The following ADAMTSL1 variants were observed in gnomAD, a reference collection of about 807,000 sequenced individuals.
The protein encoded by ADAMTSL1 is ADAMTS-like protein 1.
Under a neutral mutation model 201.8 loss-of-function variants are expected in ADAMTSL1, and 126 were observed. The observed-to-expected ratio is 0.62, with a 90% CI of 0.54 to 0.72. The LOEUF (loss-of-function observed/expected upper bound fraction) is 0.72. Among genes scored for constraint, ADAMTSL1 ranks in the 30% least tolerant of loss-of-function variants. The probability of loss-of-function intolerance (pLI) is 0.00; values close to 1 mark genes in which losing one functional copy is unlikely to be tolerated. For synonymous variants in ADAMTSL1, 1,121 were observed against 903.4 expected (o/e 1.24, Z -4.32); for missense variants, 2,679 against 2,277.8 (o/e 1.18, Z -3.59).
chr9:18,366,554 T>C (rs978455390), intron 2 of ADAMTSL1, among the ~76,000 whole-genome samples: 17 of 151,948 alleles, frequency 1.1e-4, no homozygotes, highest in African/African-American at 3.9e-4. Flanking sequence ...ATATTCATTG[T>C]GGTATGTTAA....
At chr9:18,525,107 C>G (rs953165243) in intron 2 of ADAMTSL1, among the ~76,000 whole-genome samples, 21 of 152,218 alleles carry the variant, frequency 1.4e-4, no homozygotes, top group African/African-American at 5.1e-4. Context: ...TAATTATTGC[C>G]TCAATTTCAG....
intron 2 of ADAMTSL1, among the ~76,000 whole-genome samples, chr9:18,373,288 T>C (rs896340081): frequency 1.3e-5 from 2 of 152,186 alleles, no homozygotes; most frequent in Admixed American, 6.5e-5. Flanking sequence ...CTTTCCACTT[T>C]TCTGTGAGGT....
At chr9:18,810,174 G>A (rs1159947675) in intron 20 of ADAMTSL1, among the ~76,000 whole-genome samples, 1 of 152,102 alleles carries the variant, frequency 6.6e-6, no homozygotes, top group Non-Finnish European at 1.5e-5. Context: ...AATCATTATA[G>A]TACTAAATCA....
chr9:17,956,124 C>T (rs2026767), intron 1 of ADAMTSL1, among the ~76,000 whole-genome samples: 39,285 of 152,002 alleles, frequency 0.26, 5,423 homozygotes, highest in Middle Eastern at 0.35. Flanking sequence ...TAATATTATG[C>T]AATCAAATAC....
intron 7 of ADAMTSL1, among the ~76,000 whole-genome samples, chr9:18,649,816 G>A (rs575660805): frequency 1.3e-5 from 2 of 152,186 alleles, no homozygotes; most frequent in African/African-American, 4.8e-5. Flanking sequence ...GTGCCTCCCA[G>A]TTAGGCTTCT....
intron 2 of ADAMTSL1, among the ~76,000 whole-genome samples, chr9:18,303,983 C>A (rs115334930): frequency 6.6e-6 from 1 of 152,106 alleles, no homozygotes; most frequent in African/African-American, 2.4e-5. Context: ...GAGCTCTCCA[C>A]CCGTTCCGAC....
At chr9:18,336,693 A>G (rs1835256504) in intron 2 of ADAMTSL1, among the ~76,000 whole-genome samples, 1 of 152,158 alleles carries the variant, frequency 6.6e-6, no homozygotes, top group Non-Finnish European at 1.5e-5. Flanking sequence ...CTGCCTGTGT[A>G]CTAAAAACAT....
At position 18,629,882 on chromosome 9, in the gene ADAMTSL1, A is replaced by G. The variant is rs369963194; in HGVS notation, c.602-6061A>G. ...TTCTGGATCTGGAGATTTATTTTTCAGTATGTAACCTTATGAACTTATGGA... is the reference window on the plus strand; with the variant it reads ...TTCTGGATCTGGAGATTTATTTTTCGGTATGTAACCTTATGAACTTATGGA... On this transcript the variant is annotated intron_variant, in intron 5 of 28. Coordinates refer to ENST00000380548, the MANE Select transcript of ADAMTSL1 (RefSeq NM_001040272.6). Among the ~76,000 whole-genome samples the G allele has an allele frequency of 5.9e-5, 9 of 152,248 alleles. No individual in the cohort carries two copies. In the East Asian group the frequency reaches 1.5e-3, roughly 26 times the overall value.
chr9:18,241,914 T>C (rs1831080022), intron 2 of ADAMTSL1, among the ~76,000 whole-genome samples: 1 of 152,100 alleles, frequency 6.6e-6, no homozygotes, highest in Non-Finnish European at 1.5e-5. Context: ...CATGCCTTCA[T>C]AGTTGAATTT....
At chr9:18,203,329 G>A (rs1213985161) in intron 2 of ADAMTSL1, among the ~76,000 whole-genome samples, 1 of 151,816 alleles carries the variant, frequency 6.6e-6, no homozygotes. Flanking sequence ...TGATAGTGTT[G>A]GTGCTTCCTC....
Position 18,728,966 on chromosome 9 carries a change from TG to T in ADAMTSL1, c.2006+7303del, listed in dbSNP as rs1818058558. Among the ~76,000 whole-genome samples the T allele has an allele frequency of 1.3e-5, 2 of 152,152 alleles. 1 individual carries two copies. Among genetic ancestry groups the T allele is most frequent in the South Asian group, 4.1e-4 (2 of 4,828 alleles). ...ATCCAAGAAAGCTAAACTCTGAAAA[TG>T]GTGGTTAGCTTTTACTGTAGGCACG... On this transcript the variant is annotated intron_variant, in intron 15 of 28. Coordinates refer to ENST00000380548, the MANE Select transcript of ADAMTSL1 (RefSeq NM_001040272.6).
chr9:18,112,423 C>T (rs573252323), intron 1 of ADAMTSL1, among the ~76,000 whole-genome samples: 5 of 151,882 alleles, frequency 3.3e-5, no homozygotes, highest in South Asian at 2.1e-4. Flanking sequence ...TCAGAGATTT[C>T]GAGGGGCTGA....
chr9:17,926,662 C>G (rs1826548345), intron 1 of ADAMTSL1, among the ~76,000 whole-genome samples: 1 of 152,152 alleles, frequency 6.6e-6, no homozygotes, highest in Non-Finnish European at 1.5e-5. Context: ...ATACTATTGG[C>G]CAATCAAATT....
At chr9:18,427,911 G>A (rs1364324398) in intron 2 of ADAMTSL1, among the ~76,000 whole-genome samples, 2 of 152,184 alleles carry the variant, frequency 1.3e-5, no homozygotes, top group African/African-American at 4.8e-5. Context: ...TTAGTTCTTG[G>A]TAAAGAGTAA....
rs1322515279 is a variant in ADAMTSL1, at chr9:18,707,063, T to G, written c.1876+15T>G. ...CTGTGGAGGAGGTAAGAAAGGGGGC[T>G]CTGGCTCAGATCCCCGCCATCTTCT... On this transcript the variant is annotated intron_variant, in intron 14 of 28. Transcript: ENST00000380548. 6.2e-7 allele frequency: 1 copy of G among 1,606,484 alleles called. No homozygotes were observed. Among genetic ancestry groups the G allele is most frequent in the South Asian group, 1.1e-5 (1 of 90,328 alleles).
intron 2 of ADAMTSL1, among the ~76,000 whole-genome samples, chr9:18,381,124 G>A (rs1335766144): frequency 2.0e-5 from 3 of 152,184 alleles, no homozygotes; most frequent in Admixed American, 2.0e-4. Flanking sequence ...ATGCTTTGGG[G>A]TGAAATGATA....
intron 1 of ADAMTSL1, among the ~76,000 whole-genome samples, chr9:18,052,467 T>A (rs977798820): frequency 1.8e-4 from 27 of 152,010 alleles, no homozygotes; most frequent in Admixed American, 6.6e-5. Flanking sequence ...GAGAAACCAG[T>A]GTGTGTGAAG....
intron 2 of ADAMTSL1, among the ~76,000 whole-genome samples, chr9:18,273,035 C>A (rs1308462942): frequency 6.6e-6 from 1 of 152,120 alleles, no homozygotes; most frequent in African/African-American, 2.4e-5. Flanking sequence ...TGAAAATAGA[C>A]ACTCATTCTT....
chr9:18,674,729 C>T (rs1045019989), intron 9 of ADAMTSL1, among the ~76,000 whole-genome samples: 1 of 152,060 alleles, frequency 6.6e-6, no homozygotes, highest in Non-Finnish European at 1.5e-5. Context: ...CCCAGAGGCA[C>T]AGATAGAATA....
Sources: gnomAD v4.1 joint callset for allele counts (sites outside exome capture counted in the v4.1 genomes callset) on GRCh38, gnomAD v4.1.1 for gene constraint, MANE v1.5 for transcripts, NCBI Gene and HGNC (gene_info 2026-07-23, HGNC 2026-07-21) for gene names.